The following MEGF6 variants were observed in gnomAD, a reference collection of about 807,000 sequenced individuals.
The protein encoded by MEGF6 is multiple epidermal growth factor-like domains protein 6.
A neutral mutation model predicts 207.1 loss-of-function variants in MEGF6; 184 were observed. The observed-to-expected ratio is 0.89, with a 90% confidence interval of 0.79 to 1.00. MEGF6 has a LOEUF of 1.00. Among genes scored for constraint, MEGF6 ranks in the 50% least tolerant of loss-of-function variants. The probability of loss-of-function intolerance (pLI) is 0.00; values close to 1 mark genes in which losing one functional copy is unlikely to be tolerated. For synonymous variants in MEGF6, 1,038 were observed against 910.0 expected, an observed-to-expected ratio of 1.14 and a Z score of -2.53; for missense variants, 2,282 against 2,202.9, an observed-to-expected ratio of 1.04 and a Z score of -0.72.
At chr1:3,603,185 C>T (rs1644187890) in intron 1 of MEGF6, among the ~76,000 whole-genome samples, 1 of 152,222 alleles carries the variant, frequency 6.6e-6, no homozygotes, top group African/African-American at 2.4e-5. Flanking sequence ...CCTCCAAGGC[C>T]TCTCCAGCCC....
At chr1:3,590,424 A>G (rs1273701948) in intron 3 of MEGF6, among the ~76,000 whole-genome samples, 2 of 152,192 alleles carry the variant, frequency 1.3e-5, no homozygotes, top group South Asian at 4.1e-4. Context: ...GTGGGTCCGA[A>G]CCCCACTGCA....
At chr1:3,611,579 C>T, upstream of MEGF6, 1 of 241,964 alleles carries the variant, frequency 4.1e-6, no homozygotes, top group East Asian at 8.1e-5. Flanking sequence ...AGTCCCGACC[C>T]GCCCTGGCTC....
At chr1:3,490,802 CG>C (rs763724554) in intron 36 of MEGF6, 109 bp downstream of exon 36, 82 of 1,395,402 alleles carry the variant, frequency 5.9e-5, no homozygotes, top group Non-Finnish European at 7.6e-5. Flanking sequence ...CCCAAGGCCC[CG>C]GGTGCAGCTG....
At chr1:3,612,618 C>T (rs1479443343), upstream of MEGF6, among the ~76,000 whole-genome samples, 4 of 152,184 alleles carry the variant, frequency 2.6e-5, no homozygotes, top group Non-Finnish European at 5.9e-5. Context: ...TAGAGAGGTG[C>T]GCTGACCATC....
intron 2 of MEGF6, 27 bp from the exon 3 acceptor site, chr1:3,595,474 C>A: frequency 6.3e-7 from 1 of 1,583,794 alleles, no homozygotes. Context: ...AAGGGAAGTG[C>A]TTACCGTCGC....
At chr1:3,540,795 G>A (rs1018659453) in intron 4 of MEGF6, among the ~76,000 whole-genome samples, 2 of 152,120 alleles carry the variant, frequency 1.3e-5, no homozygotes, top group African/African-American at 4.8e-5. Flanking sequence ...GAGCCTTCCT[G>A]GCCTCCTCAC....
intron 4 of MEGF6, chr1:3,531,144 C>T (rs2101376221): frequency 6.5e-7 from 1 of 1,528,856 alleles, no homozygotes; most frequent in Middle Eastern, 2.1e-4. Context: ...GGTAGCAGCC[C>T]CTCCAGAGGT....
upstream of MEGF6, among the ~76,000 whole-genome samples, chr1:3,614,105 G>A (rs4648531): frequency 6.6e-6 from 1 of 152,168 alleles, no homozygotes; most frequent in Non-Finnish European, 1.5e-5. Flanking sequence ...ATCCACCGGG[G>A]AGGTCTGTGG....
At chr1:3,493,696 G>C (rs551644657) in intron 34 of MEGF6, 75 bp downstream of exon 34, 19 of 1,558,562 alleles carry the variant, frequency 1.2e-5, no homozygotes, top group Non-Finnish European at 1.7e-5. Flanking sequence ...GGCACAGGTA[G>C]GGCCCAACCA....
At chr1:3,547,094 C>A (rs1429717589) in intron 4 of MEGF6, 1 of 155,026 alleles carries the variant, frequency 6.5e-6, no homozygotes, top group Non-Finnish European at 1.4e-5. Context: ...CCCGCACAGC[C>A]CCCGTTGGCG....
chr1:3,491,756 G>C (rs901036321), intron 35 of MEGF6, among the ~76,000 whole-genome samples: 4 of 149,136 alleles, frequency 2.7e-5, no homozygotes, highest in Non-Finnish European at 4.4e-5. Context: ...ACACCGCTGG[G>C]GGGTACACGG....
At position 3,496,702 on chromosome 1, in the gene MEGF6, C is replaced by G. The variant is rs760438427; in HGVS notation, c.3695G>C (p.Gly1232Ala). The change falls in exon 29 of 37, where the codon GGG (glycine) becomes GCG (alanine). Residue 1232 changes from glycine to alanine, a missense_variant. By Grantham distance (60) the Gly-to-Ala change is moderately conservative (BLOSUM62 0). Coordinates refer to ENST00000356575, the MANE Select transcript of MEGF6 (RefSeq NM_001409.4). ...GAACCCAGTGGGGCAGCGGCAGGCC[C>G]CCGTGGCCGCATCACAGGAGCCCCC... is the stretch of plus-strand genomic sequence containing the variant. ...LNGGSCDAAT[G>A]ACRCPTGFLG... is the part of the protein sequence containing the mutation. 6.4e-7 allele frequency: 1 copy of G among 1,561,194 alleles called. No homozygotes were observed. The highest frequency in any genetic ancestry group is 1.2e-5 in the South Asian group (1 of 85,038).
rs189364002 is a variant in MEGF6, at chr1:3,499,186, C to T, written c.3046G>A (p.Gly1016Arg). The T allele has an allele frequency of 4.9e-5, 78 of 1,603,866 alleles. No individual in the cohort carries two copies. The East Asian group carries it at 1.2e-3, about 24-fold the overall frequency. ...CAGCCAGGGGCACAGTGGCACTGCCCGTGGACAGGGTCACAGGAGGCCCCG... is the reference window on the plus strand; with the variant it reads ...CAGCCAGGGGCACAGTGGCACTGCCTGTGGACAGGGTCACAGGAGGCCCCG... Reference protein sequence around the residue: ...FNGASCDPVHGQCHCAPGWMG... With the variant: ...FNGASCDPVHRQCHCAPGWMG... Residue 1016 changes from glycine (G) to arginine (R), a missense_variant, in exon 24 of 37, where the codon GGG (glycine) becomes AGG (arginine). Coordinates refer to ENST00000356575, the MANE Select transcript of MEGF6 (RefSeq NM_001409.4).
intron 2 of MEGF6, among the ~76,000 whole-genome samples, chr1:3,595,910 G>A (rs1644056603): frequency 6.6e-6 from 1 of 152,160 alleles, no homozygotes; most frequent in Admixed American, 6.5e-5. Context: ...GGACCGGGTG[G>A]GCTGTGCCAG....
chr1:3,516,656 G>A lies in MEGF6; in HGVS notation c.605-1129C>T, dbSNP rs571997512. Among the ~76,000 whole-genome samples, 7 of 152,348 alleles carry A rather than the reference G, an allele frequency of 4.6e-5. No homozygotes were observed. In the South Asian group the frequency reaches 1.2e-3, roughly 27 times the overall value. ...CGGATGGGAAGCCCGGCACCATGGA[G>A]GGGAGGGCGGTCAGAGGTCAACAGA... On this transcript the variant is annotated intron_variant, in intron 5 of 36. Coordinates refer to ENST00000356575, the MANE Select transcript of MEGF6 (RefSeq NM_001409.4).
chr1:3,499,811 T>C lies in MEGF6; in HGVS notation c.2821A>G (p.Thr941Ala). The change falls in exon 22 of 37, where the codon ACC (threonine) becomes GCC (alanine). Residue 941 changes from threonine to alanine, a missense_variant. Coordinates refer to ENST00000356575, the MANE Select transcript of MEGF6 (RefSeq NM_001409.4). ...ACTCPAGWRGTFCEHACPAGF... is the reference protein window; with the variant it reads ...ACTCPAGWRGAFCEHACPAGF... ...CGTAGCTCACCATGCTCGCAGAAGG[T>C]GCCCCTCCAGCCGGCCGGGCAGGTG... The C allele has an allele frequency of 4.5e-6, 7 of 1,556,092 alleles. No individual in the cohort carries two copies. Among genetic ancestry groups the C allele is most frequent in the Non-Finnish European group, 6.1e-6 (7 of 1,150,658 alleles).
intron 29 of MEGF6, 123 bp from the exon 30 acceptor site, chr1:3,496,141 T>G: frequency 7.3e-7 from 1 of 1,369,854 alleles, no homozygotes; most frequent in Non-Finnish European, 9.5e-7. Flanking sequence ...CCAGACAGGG[T>G]GGGGCCAGCC....
chr1:3,507,014 G>A (rs1641144738), intron 14 of MEGF6, among the ~76,000 whole-genome samples: 1 of 152,218 alleles, frequency 6.6e-6, no homozygotes, highest in Non-Finnish European at 1.5e-5. Flanking sequence ...GAATACGGGG[G>A]TTCCCCAGCA....
chr1:3,577,452 T>C (rs1643673572), intron 4 of MEGF6, among the ~76,000 whole-genome samples: 1 of 152,250 alleles, frequency 6.6e-6, no homozygotes, highest in Non-Finnish European at 1.5e-5. Flanking sequence ...ACTAGGCTGC[T>C]TGTGAGCTGA....
Sources: gnomAD v4.1 joint callset for allele counts (sites outside exome capture counted in the v4.1 genomes callset) on GRCh38, gnomAD v4.1.1 for gene constraint, MANE v1.5 for transcripts, NCBI Gene and HGNC (gene_info 2026-07-23, HGNC 2026-07-21) for gene names.